Variants in AMMECR1 observed in about 807,000 individuals in gnomAD.
AMMECR1 encodes AMMECR nuclear protein 1.
A neutral mutation model predicts 22.5 loss-of-function variants in AMMECR1; 3 were observed. The ratio of observed to expected loss-of-function variants is 0.13; its 90% confidence interval spans 0.06 to 0.35. The LOEUF (loss-of-function observed/expected upper bound fraction) is 0.35. Ranked by LOEUF, AMMECR1 falls within the 10% of genes least tolerant of loss-of-function variation. AMMECR1 has a pLI of 1.00. For missense variants in AMMECR1, 235 were observed against 278.7 expected (o/e 0.84, Z 1.12); for synonymous variants, 130 against 116.7 (o/e 1.11, Z -0.74).
intron 2 of AMMECR1, among the ~76,000 whole-genome samples, chrX:110,401,894 C>T (rs752453370): frequency 8.9e-6 from 1 of 112,212 alleles, no homozygotes; most frequent in Admixed American, 9.4e-5. Flanking sequence ...GTTAACTGTT[C>T]CCTTAAATCA....
At chrX:110,403,863 G>A (rs2068580712) in intron 2 of AMMECR1, among the ~76,000 whole-genome samples, 1 of 112,068 alleles carries the variant, frequency 8.9e-6, no homozygotes. Flanking sequence ...TATATGTGCT[G>A]TATACACCCA....
At chrX:110,376,648 A>G (rs1035925087) in intron 2 of AMMECR1, among the ~76,000 whole-genome samples, 11 of 112,534 alleles carry the variant, frequency 9.8e-5, no homozygotes, top group Admixed American at 8.4e-4. Flanking sequence ...CTTTTAGTGG[A>G]GGTGAAGTGT....
At chrX:110,209,161 T>C (rs1202015914) in intron 3 of AMMECR1, among the ~76,000 whole-genome samples, 1 of 111,776 alleles carries the variant, frequency 8.9e-6, no homozygotes, top group Non-Finnish European at 1.9e-5. Flanking sequence ...TAATGCTGTT[T>C]GCCTAATAAG....
intron 1 of AMMECR1, among the ~76,000 whole-genome samples, chrX:110,283,222 G>A (rs1241309107): frequency 8.9e-6 from 1 of 111,900 alleles, no homozygotes. Context: ...AGCATGCACT[G>A]GATAACTGTT....
chrX:110,375,560 G>GAATC (rs754150916), intron 2 of AMMECR1, among the ~76,000 whole-genome samples: 11 of 103,569 alleles, frequency 1.1e-4, no homozygotes, highest in Non-Finnish European at 1.5e-4. Context: ...ATGAATGAAT[G>GAATC]AATCAATCAA....
chrX:110,377,659 A>G (rs752052850), intron 2 of AMMECR1, among the ~76,000 whole-genome samples: 1 of 111,521 alleles, frequency 9.0e-6, no homozygotes, highest in African/African-American at 3.3e-5. Context: ...GGCTGCTATC[A>G]TAACTTCTGT....
intron 2 of AMMECR1, among the ~76,000 whole-genome samples, chrX:110,369,061 G>T (rs762076240): frequency 8.9e-6 from 1 of 111,992 alleles, no homozygotes; most frequent in South Asian, 3.8e-4. Flanking sequence ...GGCTGTGTGC[G>T]GTGGCTCACG....
chrX:110,211,862 C>T (rs1188437401), intron 3 of AMMECR1, among the ~76,000 whole-genome samples: 1 of 111,818 alleles, frequency 8.9e-6, no homozygotes, highest in African/African-American at 3.3e-5. Flanking sequence ...GTCCTTACTG[C>T]CTTTTGTGGA....
chrX:110,271,354 A>G (rs762707507), intron 1 of AMMECR1, among the ~76,000 whole-genome samples: 1 of 112,839 alleles, frequency 8.9e-6, no homozygotes, highest in South Asian at 3.6e-4. Flanking sequence ...TCCCATTTAT[A>G]TAATTCCAAT....
intron 2 of AMMECR1, among the ~76,000 whole-genome samples, chrX:110,382,682 C>T (rs940409729): frequency 9.0e-6 from 1 of 111,630 alleles, no homozygotes; most frequent in African/African-American, 3.3e-5. Context: ...AGAGTCCTCT[C>T]TTTTTCTCCT....
intron 2 of AMMECR1, among the ~76,000 whole-genome samples, chrX:110,404,802 C>T (rs182947193): frequency 9.0e-6 from 1 of 111,512 alleles, no homozygotes; most frequent in South Asian, 3.8e-4. Context: ...ACTAATTAAG[C>T]CTGTTAGACT....
intron 1 of AMMECR1, among the ~76,000 whole-genome samples, chrX:110,278,719 C>T (rs183394058): frequency 1.8e-5 from 2 of 112,095 alleles, no homozygotes; most frequent in African/African-American, 6.5e-5. Context: ...AAGCCTCCAG[C>T]TGAACTGCTA....
chrX:110,282,882 C>A lies in AMMECR1; in HGVS notation c.474-18283G>T, dbSNP rs191604430. Among the ~76,000 whole-genome samples the A allele has an allele frequency of 2.2e-4, 24 of 111,434 alleles. No individual in the cohort carries two copies. The Admixed American group carries it at 2.2e-3, about 10-fold the overall frequency. ...GCTTTCATATGCATTTTCTTCTTCT[C>A]GGCAAGATTGGTTTACTTGCCCAAG... On this transcript the variant is annotated intron_variant, in intron 1 of 5. Coordinates refer to ENST00000262844, the MANE Select transcript of AMMECR1 (RefSeq NM_015365.3).
chrX:110,247,739 T>G (rs2067666208), intron 2 of AMMECR1, among the ~76,000 whole-genome samples: 1 of 110,374 alleles, frequency 9.1e-6, no homozygotes, highest in African/African-American at 3.3e-5. Context: ...ACGTGTGACA[T>G]GGACAATGTC....
At position 110,431,323 on chromosome X, in the gene AMMECR1, C is replaced by CTGTGTGTGTG. The variant is rs759432836; in HGVS notation, c.-293-4530_-293-4521dup. 6.5e-3 allele frequency among the ~76,000 whole-genome samples: 616 copies of CTGTGTGTGTG among 94,945 alleles called. 8 individuals carry two copies. Among genetic ancestry groups the CTGTGTGTGTG allele is most frequent in the African/African-American group, 0.024 (585 of 24,851 alleles). 82.4% of individuals were successfully genotyped at this position (94,945 alleles called of 115,157 possible). A position where few individuals can be genotyped will look rare whatever the true frequency, so the allele number is the denominator to read the frequency against. On this transcript the variant is annotated intron_variant, in intron 1 of 7. Transcript: ENST00000372057. ...CATGAGAAGGAAAATGAGGGGAAGG[C>CTGTGTGTGTG]TGTGTGTGTGTGTGTGTGTGTGTGT...
intron 1 of AMMECR1, among the ~76,000 whole-genome samples, chrX:110,434,450 C>G (rs1456545312): frequency 2.7e-5 from 3 of 111,531 alleles, no homozygotes; most frequent in Non-Finnish European, 5.7e-5. Flanking sequence ...GGAACAGGCT[C>G]TGAACCACGA....
chrX:110,235,219 C>T (rs946190151), intron 2 of AMMECR1, among the ~76,000 whole-genome samples: 1 of 112,305 alleles, frequency 8.9e-6, no homozygotes, highest in Non-Finnish European at 1.9e-5. Flanking sequence ...AGCCAACAGA[C>T]ACATGAAAAA....
chrX:110,275,777 C>A (rs1367756552), intron 1 of AMMECR1, among the ~76,000 whole-genome samples: 3 of 111,278 alleles, frequency 2.7e-5, no homozygotes, highest in Non-Finnish European at 5.7e-5. Flanking sequence ...TTGTGGTGAG[C>A]TGACATGGTG....
At chrX:110,319,667 G>A (rs73636954), upstream of AMMECR1, among the ~76,000 whole-genome samples, 108 of 112,016 alleles carry the variant, frequency 9.6e-4, 1 homozygote, top group African/African-American at 3.3e-3. Flanking sequence ...ATACTATCTC[G>A]TTTTATCTTC....
Sources: gnomAD v4.1 joint callset for allele counts (sites outside exome capture counted in the v4.1 genomes callset) on GRCh38, gnomAD v4.1.1 for gene constraint, MANE v1.5 for transcripts, NCBI Gene and HGNC (gene_info 2026-07-23, HGNC 2026-07-21) for gene names.